DRD3: variants seen among roughly 807,000 people sequenced by gnomAD.
DRD3 encodes the protein D(3) dopamine receptor.
A neutral mutation model predicts 36.3 loss-of-function variants in DRD3; 19 were observed. The ratio of observed to expected loss-of-function variants is 0.52; its 90% CI spans 0.36 to 0.77. The LOEUF (loss-of-function observed/expected upper bound fraction) is 0.77, where lower values mean the gene tolerates loss of function less well. Ranked by LOEUF, DRD3 falls within the 30% of genes least tolerant of loss-of-function variation. DRD3 has a pLI of 0.00. For missense variants in DRD3, 465 were observed against 505.3 expected, an observed-to-expected ratio of 0.92 and a Z score of 0.77; for synonymous variants, 195 against 203.7, an observed-to-expected ratio of 0.96 and a Z score of 0.36.
upstream of DRD3, among the ~76,000 whole-genome samples, chr3:114,180,623 TAGCCTGTGG>T (rs2077941890): frequency 6.6e-6 from 1 of 152,186 alleles, no homozygotes; most frequent in Non-Finnish European, 1.5e-5. Flanking sequence ...TTAATTCACC[TAGCCTGTGG>T]AATTTTGTTA....
chr3:114,188,304 C>A (rs1478664393), intron 1 of DRD3, among the ~76,000 whole-genome samples: 1 of 149,184 alleles, frequency 6.7e-6, no homozygotes, highest in African/African-American at 2.5e-5. Context: ...ACCTCCGCCT[C>A]AAGTTCAAGT....
chr3:114,130,904 G>A (rs75982648), intron 6 of DRD3, among the ~76,000 whole-genome samples: 12,393 of 152,192 alleles, frequency 0.081, 563 homozygotes, highest in Middle Eastern at 0.17. Flanking sequence ...AATGGACAGC[G>A]CAGTTAAGTG....
At chr3:114,185,029 G>C (rs978828416) in intron 1 of DRD3, among the ~76,000 whole-genome samples, 30 of 148,106 alleles carry the variant, frequency 2.0e-4, no homozygotes, top group Non-Finnish European at 3.9e-4. Flanking sequence ...TGATGAATCA[G>C]TTCTTTTTTT....
At chr3:114,166,641 C>A (rs2077787864) in intron 2 of DRD3, among the ~76,000 whole-genome samples, 1 of 152,160 alleles carries the variant, frequency 6.6e-6, no homozygotes, top group Admixed American at 6.5e-5. Flanking sequence ...ATTATACAGC[C>A]TCATGTATTC....
upstream of DRD3, among the ~76,000 whole-genome samples, chr3:114,179,633 T>C (rs1384987610): frequency 6.6e-6 from 1 of 152,200 alleles, no homozygotes; most frequent in African/African-American, 2.4e-5. Flanking sequence ...GGTCACCTGT[T>C]CATCTTACAT....
chr3:114,196,942 C>A (rs2078038143), intron 1 of DRD3, among the ~76,000 whole-genome samples: 3 of 150,860 alleles, frequency 2.0e-5, no homozygotes, highest in African/African-American at 7.3e-5. Flanking sequence ...TTTTTATGCA[C>A]CTAATAGTCT....
intron 3 of DRD3, among the ~76,000 whole-genome samples, chr3:114,159,519 T>C (rs1321419518): frequency 6.6e-6 from 1 of 151,816 alleles, no homozygotes; most frequent in Non-Finnish European, 1.5e-5. Context: ...ACCAGAATCC[T>C]CTTCAGGGAG....
At chr3:114,149,511 T>A (rs542285046) in intron 3 of DRD3, among the ~76,000 whole-genome samples, 3 of 152,216 alleles carry the variant, frequency 2.0e-5, no homozygotes, top group Non-Finnish European at 4.4e-5. Flanking sequence ...TAGGCAGGAC[T>A]CTAGGATGGC....
Position 114,159,859 on chromosome 3 carries a change from A to C in DRD3, c.279T>G (p.Gly93=). ...AAATGCGGCTGAAATTCCAGACTCCACCTGTCACCTGGGTATCAGAGACAA... is the reference window on the plus strand; with the variant it reads ...AAATGCGGCTGAAATTCCAGACTCCCCCTGTCACCTGGGTATCAGAGACAA... ...MPWVVYLEVT[G]GVWNFSRICC... The change falls in exon 3 of 7, where the codon GGT becomes GGG. Residue 93 remains glycine, a synonymous_variant. Coordinates refer to ENST00000383673, the MANE Select transcript of DRD3 (RefSeq NM_000796.6). 1.2e-6 allele frequency: 2 copies of C among 1,614,012 alleles called. No individual in the cohort carries two copies. Among genetic ancestry groups the C allele is most frequent in the Non-Finnish European group, 1.7e-6 (2 of 1,179,894 alleles).
intron 4 of DRD3, among the ~76,000 whole-genome samples, chr3:114,143,148 T>A (rs997815022): frequency 2.6e-5 from 4 of 152,376 alleles, no homozygotes; most frequent in African/African-American, 9.6e-5. Context: ...TGCAAGAGTG[T>A]TGTTTTGTTA....
intron 1 of DRD3, among the ~76,000 whole-genome samples, chr3:114,185,265 T>A (rs1486657923): frequency 1.3e-5 from 2 of 152,224 alleles, no homozygotes; most frequent in Non-Finnish European, 2.9e-5. Flanking sequence ...TGGTGTCTCC[T>A]ATGTCTTTTA....
chr3:114,199,166 T>C (rs868444309), intron 1 of DRD3: 2 of 152,234 alleles, frequency 1.3e-5, no homozygotes, highest in Non-Finnish European at 2.9e-5. Flanking sequence ...ATTAATTCCA[T>C]CCAACAACAT....
upstream of DRD3, among the ~76,000 whole-genome samples, chr3:114,182,565 T>A (rs1560003243): frequency 6.6e-6 from 1 of 152,240 alleles, no homozygotes; most frequent in East Asian, 1.9e-4. Context: ...CGACCTATTT[T>A]CTTCCTGTTT....
At chr3:114,137,450 G>T (rs2077484178) in intron 5 of DRD3, among the ~76,000 whole-genome samples, 1 of 152,194 alleles carries the variant, frequency 6.6e-6, no homozygotes, top group Non-Finnish European at 1.5e-5. Context: ...CCTCTTTCAT[G>T]GGGATTAATA....
chr3:114,171,002 C>T (rs182957374), intron 2 of DRD3, among the ~76,000 whole-genome samples: 6 of 152,240 alleles, frequency 3.9e-5, no homozygotes, highest in African/African-American at 1.2e-4. Context: ...TTGACCACCC[C>T]CTGGCTCTGT....
chr3:114,157,156 C>A (rs958878422), intron 3 of DRD3, among the ~76,000 whole-genome samples: 1 of 151,702 alleles, frequency 6.6e-6, no homozygotes, highest in Non-Finnish European at 1.5e-5. Context: ...CGGGTTCAAG[C>A]GGTTCTCCAG....
At chr3:114,197,277 A>ATT (rs58452737) in intron 1 of DRD3, among the ~76,000 whole-genome samples, 1,222 of 89,350 alleles carry the variant, frequency 0.014, 9 homozygotes, top group Non-Finnish European at 0.016. Flanking sequence ...AATTAAAAAA[A>ATT]TTTTTTTTTT....
chr3:114,169,036 T>G (rs151182415), intron 2 of DRD3, among the ~76,000 whole-genome samples: 1 of 151,938 alleles, frequency 6.6e-6, no homozygotes, highest in Non-Finnish European at 1.5e-5. Flanking sequence ...ACCCTTTTCT[T>G]TTCCAAAGGG....
intron 3 of DRD3, among the ~76,000 whole-genome samples, chr3:114,148,752 G>A (rs547242282): frequency 1.9e-4 from 29 of 152,126 alleles, no homozygotes; most frequent in African/African-American, 6.7e-4. Flanking sequence ...TCAGTCTGTC[G>A]CCCAGGCTGG....
Sources: allele counts gnomAD v4.1 joint callset (sites outside exome capture counted in the v4.1 genomes callset), GRCh38; gene constraint gnomAD v4.1.1; transcripts MANE v1.5; gene names NCBI Gene and HGNC (gene_info 2026-07-23, HGNC 2026-07-21).